Variants in HOXD3 observed in about 807,000 individuals in gnomAD.
HOXD3 encodes the protein homeobox protein Hox-D3.
A neutral mutation model predicts 32.8 loss-of-function variants in HOXD3; 13 were observed. The ratio of observed to expected loss-of-function variants is 0.40; its 90% CI spans 0.26 to 0.63. The LOEUF (loss-of-function observed/expected upper bound fraction) is 0.63. HOXD3 is among the 20% of genes least tolerant of loss of function. The pLI is 0.44. For synonymous variants in HOXD3, 241 were observed against 246.8 expected (o/e 0.98, Z 0.22); for missense variants, 504 against 577.1 (o/e 0.87, Z 1.30).
intron 1 of HOXD3, among the ~76,000 whole-genome samples, chr2:176,160,617 G>A (rs1690771058): frequency 6.6e-6 from 1 of 152,244 alleles, no homozygotes; most frequent in Non-Finnish European, 1.5e-5. Flanking sequence ...GAACAAATAT[G>A]CTTGCATTTG....
At chr2:176,162,784 G>C (rs992672182) in intron 1 of HOXD3, among the ~76,000 whole-genome samples, 1 of 152,330 alleles carries the variant, frequency 6.6e-6, no homozygotes, top group Non-Finnish European at 1.5e-5. Context: ...GAGGCATAAG[G>C]GGGTGGCGGC....
intron 2 of HOXD3, among the ~76,000 whole-genome samples, chr2:176,168,080 A>ACATTTAGG (rs892055120): frequency 1.2e-4 from 18 of 152,302 alleles, no homozygotes; most frequent in African/African-American, 4.3e-4. Context: ...AACTCTTCTT[A>ACATTTAGG]CATTTAGGAA....
upstream of HOXD3, among the ~76,000 whole-genome samples, chr2:176,154,519 AG>A (rs1275790551): frequency 2.0e-5 from 3 of 152,316 alleles, no homozygotes; most frequent in South Asian, 2.1e-4. Context: ...AAGATCCAGA[AG>A]GGGGGTATTT....
At chr2:176,162,811 A>T (rs1261053923) in intron 1 of HOXD3, among the ~76,000 whole-genome samples, 1 of 152,170 alleles carries the variant, frequency 6.6e-6, no homozygotes, top group Non-Finnish European at 1.5e-5. Context: ...TGACCTCCCA[A>T]CTTAGCTCTT....
At chr2:176,170,329 A>C (rs1691130224) in intron 3 of HOXD3, among the ~76,000 whole-genome samples, 2 of 152,066 alleles carry the variant, frequency 1.3e-5, no homozygotes, top group African/African-American at 4.8e-5. Context: ...GCAAATCCAT[A>C]ATGGGGAGGT....
upstream of HOXD3, among the ~76,000 whole-genome samples, chr2:176,155,365 C>G (rs1420115580): frequency 6.6e-6 from 1 of 152,150 alleles, no homozygotes; most frequent in Non-Finnish European, 1.5e-5. Flanking sequence ...CATCCCTGCC[C>G]CAGAGGAAAG....
At chr2:176,155,055 A>C (rs1247220510), upstream of HOXD3, among the ~76,000 whole-genome samples, 1 of 152,016 alleles carries the variant, frequency 6.6e-6, no homozygotes, top group African/African-American at 2.4e-5. Flanking sequence ...AACCTTTTGG[A>C]CTCTAACTAC....
chr2:176,158,551 C>T (rs1690700726), intron 1 of HOXD3, among the ~76,000 whole-genome samples: 1 of 151,906 alleles, frequency 6.6e-6, no homozygotes, highest in African/African-American at 2.4e-5. Flanking sequence ...GGGCTGGCTG[C>T]GCGTGGTGGT....
upstream of HOXD3, among the ~76,000 whole-genome samples, chr2:176,153,869 C>T (rs769901093): frequency 1.3e-5 from 2 of 152,108 alleles, no homozygotes; most frequent in Non-Finnish European, 2.9e-5. Context: ...CATTTTCCTT[C>T]TGGGGAAAGA....
At position 176,169,193 on chromosome 2, in the gene HOXD3, G is replaced by A. The variant is rs1424337388; in HGVS notation, c.79G>A (p.Gly27Arg). Residue 27 changes from glycine to arginine, a missense_variant, in exon 3 of 4, where the codon GGA (glycine) becomes AGA (arginine). Coordinates refer to ENST00000683222, the MANE Select transcript of HOXD3 (RefSeq NM_006898.5). Reference protein sequence around the residue: ...MQKAAYYENPGLFGGYGYSKT... With the variant: ...MQKAAYYENPRLFGGYGYSKT... ...GAAGGCTGCTTACTATGAAAACCCA[G>A]GACTGTTTGGAGGCTATGGCTACAG... 6.2e-7 allele frequency: 1 copy of A among 1,614,148 alleles called. No individual in the cohort carries two copies. Among genetic ancestry groups the A allele is most frequent in the East Asian group, 2.2e-5 (1 of 44,880 alleles).
intron 1 of HOXD3, among the ~76,000 whole-genome samples, chr2:176,163,692 C>G (rs1690880007): frequency 2.0e-5 from 3 of 152,160 alleles, no homozygotes; most frequent in African/African-American, 7.2e-5. Flanking sequence ...TCTGCACGGT[C>G]TCTCTCTTCT....
At chr2:176,158,820 C>G (rs1690709061) in intron 1 of HOXD3, among the ~76,000 whole-genome samples, 1 of 147,476 alleles carries the variant, frequency 6.8e-6, no homozygotes, top group East Asian at 2.0e-4. Context: ...CCCTCCCACC[C>G]CCCCCACTCC....
At position 176,169,580 on chromosome 2, in the gene HOXD3, A is replaced by G; in HGVS notation, c.466A>G (p.Ile156Val). Residue 156 changes from isoleucine (I) to valine (V), a missense_variant, in exon 3 of 4, where the codon ATC becomes GTC. Ile to Val is a conservative substitution (Grantham distance 29). This residue lies in a region of HOXD3 where 97 missense variants were observed against 158.0 expected (regional missense o/e 0.61). Coordinates refer to ENST00000683222, the MANE Select transcript of HOXD3 (RefSeq NM_006898.5). ...CAATGCTTCTAGCTCCTCAGCCACC[A>G]TCAGCAAGCAGATCTTCCCCTGGAT... ...GPNASSSSAT[I>V]SKQIFPWMKE... 1 of 1,613,762 alleles carries G rather than the reference A, an allele frequency of 6.2e-7. No individual in the cohort carries two copies. The highest frequency in any genetic ancestry group is 1.1e-5 in the South Asian group (1 of 91,008).
At chr2:176,159,192 A>G (rs2252895) in intron 1 of HOXD3, among the ~76,000 whole-genome samples, 114,843 of 149,520 alleles carry the variant, frequency 0.77, 44,453 homozygotes, top group African/African-American at 0.89. Context: ...GCTGGCCGTC[A>G]GGTCGGCCTC....
At chr2:176,163,223 C>G (rs1690861434) in intron 1 of HOXD3, among the ~76,000 whole-genome samples, 1 of 152,228 alleles carries the variant, frequency 6.6e-6, no homozygotes, top group African/African-American at 2.4e-5. Context: ...TCTTTAGAAG[C>G]GCCGGGAACG....
upstream of HOXD3, among the ~76,000 whole-genome samples, chr2:176,155,860 C>T (rs1182247985): frequency 5.9e-5 from 9 of 152,146 alleles, no homozygotes; most frequent in Non-Finnish European, 1.2e-4. Flanking sequence ...GGACATTGCT[C>T]CTCTGACTCC....
chr2:176,152,738 T>C, upstream of HOXD3: 1 of 1,614,186 alleles, frequency 6.2e-7, no homozygotes, highest in Non-Finnish European at 8.5e-7. This position sits in a 1 kb window ranked among gnomAD's most constrained non-coding sequence, Gnocchi z 5.2. Context: ...TTGAAATCGC[T>C]CACACCCTGT....
chr2:176,170,293 C>T (rs1269492871), intron 3 of HOXD3, among the ~76,000 whole-genome samples: 6 of 152,140 alleles, frequency 3.9e-5, no homozygotes, highest in Admixed American at 2.6e-4. Flanking sequence ...CTATTTGGCC[C>T]ACCTCAGCCC....
At chr2:176,159,206 C>G (rs1690721924) in intron 1 of HOXD3, among the ~76,000 whole-genome samples, 1 of 136,186 alleles carries the variant, frequency 7.3e-6, no homozygotes, top group Non-Finnish European at 1.6e-5. Flanking sequence ...CGGCCTCTGG[C>G]AAGAGGCTAG....
Sources: gnomAD v4.1 joint callset for allele counts (sites outside exome capture counted in the v4.1 genomes callset) on GRCh38, gnomAD v4.1.1 for gene constraint, gnomAD v4.1.1 regional missense constraint, Gnocchi (gnomAD v3.1) non-coding constraint, MANE v1.5 for transcripts, NCBI Gene and HGNC (gene_info 2026-07-23, HGNC 2026-07-21) for gene names.